Variants in MGAT4D observed in about 807,000 individuals in gnomAD.
MGAT4D encodes the protein MGAT4 family member D, also known as alpha-1,3-mannosyl-glycoprotein 4-beta-N-acetylglucosaminyltransferase-like protein MGAT4D.
MGAT4D carries 34 observed loss-of-function variants against 15.9 expected under a neutral mutation model. The ratio of observed to expected loss-of-function variants is 2.14; its 90% CI spans 1.62 to 2.84. The LOEUF is 2.84. Among genes scored for constraint, MGAT4D ranks in the 30% most tolerant of loss-of-function variants. The probability of loss-of-function intolerance (pLI) is 0.00; values close to 1 mark genes in which losing one functional copy is unlikely to be tolerated. For missense variants in MGAT4D, 327 were observed against 140.2 expected (o/e 2.33, Z -6.73); for synonymous variants, 112 against 48.2 (o/e 2.33, Z -5.49).
rs539471895 is a variant in MGAT4D at position 140,449,574 on chromosome 4, A to T, written c.1116+1836T>A. Among the ~76,000 whole-genome samples, 80 of 152,244 alleles carry T rather than the reference A, an allele frequency of 5.3e-4. 2 individuals carry two copies. The highest frequency in any genetic ancestry group is 9.1e-4 in the Non-Finnish European group (62 of 68,010). On this transcript the variant is annotated intron_variant, in intron 10 of 10. Transcript: ENST00000511113. Reference sequence around the variant, plus strand: ...GGAGATCAAGACCATCCTGGCTAACACGGTGAAACCCCGTCTCTACTAAAA... The same window carrying T: ...GGAGATCAAGACCATCCTGGCTAACTCGGTGAAACCCCGTCTCTACTAAAA...
chr4:140,445,008 A>C (rs1006719829), intron 10 of MGAT4D, among the ~76,000 whole-genome samples: 4 of 151,984 alleles, frequency 2.6e-5, no homozygotes, highest in African/African-American at 9.7e-5. Context: ...TGGCCTCCCA[A>C]GTAGCTGGAA....
intron 10 of MGAT4D, among the ~76,000 whole-genome samples, chr4:140,443,659 G>C (rs1424606411): frequency 6.6e-6 from 1 of 152,056 alleles, no homozygotes; most frequent in African/African-American, 2.4e-5. Context: ...CTCTTACGTT[G>C]TTAAAATGAT....
At chr4:140,482,189 A>C (rs1332327592) in intron 2 of MGAT4D, 138 bp downstream of exon 2, 1 of 481,302 alleles carries the variant, frequency 2.1e-6, no homozygotes, top group Admixed American at 4.2e-5. Flanking sequence ...GATATCTCTT[A>C]CCTGATTTTT....
chr4:140,449,045 T>C (rs72939883), intron 10 of MGAT4D, among the ~76,000 whole-genome samples: 7 of 152,254 alleles, frequency 4.6e-5, no homozygotes, highest in African/African-American at 1.7e-4. Context: ...ATTTAAATAA[T>C]TGGCCCTATG....
At chr4:140,496,033 T>G (rs894954533) in intron 1 of MGAT4D, among the ~76,000 whole-genome samples, 5 of 152,160 alleles carry the variant, frequency 3.3e-5, no homozygotes, top group African/African-American at 9.7e-5. Flanking sequence ...CCACTGCGCC[T>G]GGCAAAATTT....
At chr4:140,452,548 T>G (rs1289815287) in intron 9 of MGAT4D, among the ~76,000 whole-genome samples, 3 of 152,324 alleles carry the variant, frequency 2.0e-5, no homozygotes, top group Non-Finnish European at 2.9e-5. Context: ...CATATTGCTG[T>G]AAGGACAATC....
intron 4 of MGAT4D, among the ~76,000 whole-genome samples, chr4:140,473,107 T>C (rs990776020): frequency 1.3e-5 from 2 of 152,140 alleles, no homozygotes; most frequent in Non-Finnish European, 2.9e-5. Context: ...TTTTCTTTTT[T>C]CTTCATATAT....
At position 140,498,250 on chromosome 4, in the gene MGAT4D, C is replaced by G; in HGVS notation, c.-28G>C. 1.4e-6 allele frequency: 1 copy of G among 701,342 alleles called. No homozygotes were observed. Among genetic ancestry groups the G allele is most frequent in the African/African-American group, 1.7e-5 (1 of 57,300 alleles). 43.4% of individuals were successfully genotyped at this position (701,342 alleles called of 1,614,324 possible). On this transcript the variant is annotated 5_prime_UTR_variant, in exon 1 of 11. Coordinates refer to ENST00000511113, the MANE Select transcript of MGAT4D (RefSeq NM_001277353.2). ...CCCTGGCCAGGCTGCGGGAGGCCGG[C>G]GGGTGGAGGCGGCGGATAATGCCAG...
Position 140,459,516 on chromosome 4 carries a change from G to A in MGAT4D, c.873C>T (p.Phe291=). 2.1e-6 allele frequency: 1 copy of A among 476,978 alleles called. No individual in the cohort carries two copies. The highest frequency in any genetic ancestry group is 2.0e-5 in the African/African-American group (1 of 49,444). The allele number at this position is 476,978 out of a possible 1,614,324, so 29.5% of individuals were successfully genotyped here. The change falls in exon 8 of 11, where the codon TTC becomes TTT. Residue 291 remains phenylalanine (F), a synonymous_variant. Transcript: ENST00000511113. ...WFFIEFSMLG[F]IGKLFRSEDL... ...CAAAGTAAATCCATTGCTTACCTAT[G>A]AATCCAAGCATTGAAAACTCAATAA...
At chr4:140,443,494 T>C (rs72939880) in intron 10 of MGAT4D, 50 bp from the exon 11 acceptor site, 1 of 498,372 alleles carries the variant, frequency 2.0e-6, no homozygotes, top group Non-Finnish European at 3.5e-6. Context: ...TATTAATTCA[T>C]AAAGATGAAA....
chr4:140,481,101 AG>A (rs1732691154), intron 2 of MGAT4D, among the ~76,000 whole-genome samples: 2 of 144,338 alleles, frequency 1.4e-5, no homozygotes, highest in Non-Finnish European at 3.0e-5. Context: ...TGAGGCCAGG[AG>A]TCCAAGATCA....
chr4:140,487,495 G>A (rs1365980197), intron 1 of MGAT4D, among the ~76,000 whole-genome samples: 1 of 152,136 alleles, frequency 6.6e-6, no homozygotes, highest in African/African-American at 2.4e-5. Flanking sequence ...ATTTTAAAAA[G>A]TGAAAAGAAA....
chr4:140,452,748 A>T (rs532800692), intron 9 of MGAT4D, among the ~76,000 whole-genome samples: 4 of 152,258 alleles, frequency 2.6e-5, no homozygotes, highest in South Asian at 2.1e-4. Flanking sequence ...CAGCACAAAA[A>T]TTTTTAATTT....
At chr4:140,449,336 T>A (rs1730324203) in intron 10 of MGAT4D, among the ~76,000 whole-genome samples, 9 of 152,112 alleles carry the variant, frequency 5.9e-5, no homozygotes, top group Admixed American at 5.9e-4. Context: ...TTTAAGAAAG[T>A]TCATCACTAA....
Position 140,474,937 on chromosome 4 carries a change from G to A in MGAT4D, c.401C>T (p.Ala134Val), listed in dbSNP as rs1443774515. ...TCTGTTAACAGTGGAAATACCCAGC[G>A]CAAAAGAAACTGTGGACATAGGAGT... ...IGKGKTGVSF[A>V]LGISTVNRGN... The change falls in exon 4 of 11, where the codon GCG (alanine) becomes GTG (valine). Residue 134 changes from alanine to valine, a missense_variant. Coordinates refer to ENST00000511113, the MANE Select transcript of MGAT4D (RefSeq NM_001277353.2). The A allele has an allele frequency of 3.7e-5, 25 of 680,656 alleles. No homozygotes were observed. Among genetic ancestry groups the A allele is most frequent in the South Asian group, 1.4e-4 (9 of 63,358 alleles). The allele number at this position is 680,656 out of a possible 1,614,324, so 42.2% of individuals were successfully genotyped here.
Position 140,482,476 on chromosome 4 carries a change from AATTG to A in MGAT4D, c.100_103del (p.Gln34Ter), listed in dbSNP as rs1201286911. The A allele has an allele frequency of 6.3e-6, 4 of 633,690 alleles. No homozygotes were observed. Among genetic ancestry groups the A allele is most frequent in the South Asian group, 1.8e-5 (1 of 55,326 alleles). The allele number at this position is 633,690 out of a possible 1,614,324, so 39.3% of individuals were successfully genotyped here. A position where few individuals can be genotyped will look rare whatever the true frequency, so the allele number is the denominator to read the frequency against. On this transcript the variant is annotated frameshift_variant, in exon 2 of 11. Transcript: ENST00000511113. LOFTEE classifies it high-confidence loss of function. ...CAAAATATGGTTTCTACAGTTAATTAATTGATTATCTGCAATGAAAACATATGTA... is the reference window on the plus strand; with the variant it reads ...CAAAATATGGTTTCTACAGTTAATTAATTATCTGCAATGAAAACATATGTA...
chr4:140,479,227 A>G (rs899808878), intron 3 of MGAT4D, among the ~76,000 whole-genome samples: 1 of 152,240 alleles, frequency 6.6e-6, no homozygotes, highest in African/African-American at 2.4e-5. Flanking sequence ...CATTTGGCAT[A>G]TACTTAATGT....
intron 10 of MGAT4D, among the ~76,000 whole-genome samples, chr4:140,446,336 C>T (rs1331256172): frequency 6.6e-6 from 1 of 152,036 alleles, no homozygotes; most frequent in South Asian, 2.1e-4. Context: ...ATTACTGATT[C>T]AATTTTGGAG....
chr4:140,486,349 CTTA>C (rs1733129245), intron 1 of MGAT4D, among the ~76,000 whole-genome samples: 1 of 152,098 alleles, frequency 6.6e-6, no homozygotes, highest in South Asian at 2.1e-4. Context: ...CCGTCTTTCC[CTTA>C]TTATTATTTT....
Sources: gnomAD v4.1 joint callset for allele counts (sites outside exome capture counted in the v4.1 genomes callset) on GRCh38, gnomAD v4.1.1 for gene constraint, MANE v1.5 for transcripts, NCBI Gene and HGNC (gene_info 2026-07-23, HGNC 2026-07-21) for gene names.